The following NTM variants were observed in gnomAD, a reference collection of about 807,000 sequenced individuals.
NTM encodes the protein IgLON family member 2.
A neutral mutation model predicts 42.1 loss-of-function variants in NTM; 13 were observed. That is an observed-to-expected ratio of 0.31 (90% CI 0.20 to 0.49). The LOEUF (loss-of-function observed/expected upper bound fraction) is 0.49. NTM is among the 20% of genes least tolerant of loss of function. The pLI is 0.99. For synonymous variants in NTM, 187 were observed against 179.2 expected (o/e 1.04, Z -0.35); for missense variants, 373 against 452.8 (o/e 0.82, Z 1.60).
At position 131,449,873 on chromosome 11, in the gene NTM, T is replaced by C. The variant is rs151153517; in HGVS notation, c.82+78985T>C. ...CCCACTCTGCTTGCCAGATGAAAACTGGGTGAGTCAAGAAAAGGCAGCTTC... is the reference window on the plus strand; with the variant it reads ...CCCACTCTGCTTGCCAGATGAAAACCGGGTGAGTCAAGAAAAGGCAGCTTC... On this transcript the variant is annotated intron_variant, in intron 1 of 8. Coordinates refer to ENST00000683400, the MANE Select transcript of NTM (RefSeq NM_001352005.2). Among the ~76,000 whole-genome samples the C allele has an allele frequency of 1.5e-3, 224 of 152,256 alleles. 1 individual carries two copies. Among genetic ancestry groups the C allele is most frequent in the African/African-American group, 4.8e-3 (200 of 41,554 alleles).
chr11:132,160,904 C>T (rs1319413527), intron 3 of NTM, among the ~76,000 whole-genome samples: 1 of 152,144 alleles, frequency 6.6e-6, no homozygotes, highest in African/African-American at 2.4e-5. Context: ...AGGAGAGACC[C>T]GAGAGGGGAG....
chr11:131,881,505 CA>C lies in NTM; in HGVS notation c.83-30058del. Among the ~76,000 whole-genome samples the C allele has an allele frequency of 1.3e-5, 2 of 151,016 alleles. 1 individual carries two copies. Among genetic ancestry groups the C allele is most frequent in the South Asian group, 4.2e-4 (2 of 4,778 alleles). Reference sequence around the variant, plus strand: ...ACACACACACACACACACACACACACACACCCCCCAAAGCTTTGACGCAGAG... The same window carrying C: ...ACACACACACACACACACACACACACCACCCCCCAAAGCTTTGACGCAGAG... On this transcript the variant is annotated intron_variant, in intron 1 of 8. Transcript: ENST00000683400.
intron 1 of NTM, among the ~76,000 whole-genome samples, chr11:131,655,821 T>C (rs1304381811): frequency 2.6e-5 from 4 of 152,218 alleles, no homozygotes; most frequent in African/African-American, 9.6e-5. Flanking sequence ...AAAGTGCTGC[T>C]CAGAGAAATT....
At chr11:132,082,781 G>A (rs2059249021) in intron 2 of NTM, among the ~76,000 whole-genome samples, 1 of 152,190 alleles carries the variant, frequency 6.6e-6, no homozygotes, top group Admixed American at 6.5e-5. Context: ...TGGTAAAATG[G>A]GGCCATTGTT....
chr11:132,053,123 C>A (rs2079094823), intron 2 of NTM, among the ~76,000 whole-genome samples: 1 of 152,164 alleles, frequency 6.6e-6, no homozygotes, highest in African/African-American at 2.4e-5. Flanking sequence ...CAGCCCTGGG[C>A]ATGCATGATT....
intron 4 of NTM, among the ~76,000 whole-genome samples, chr11:132,226,153 A>C (rs904280833): frequency 1.3e-5 from 2 of 152,200 alleles, no homozygotes; most frequent in African/African-American, 4.8e-5. Context: ...GCTATTGTGA[A>C]CAGTTCCGTA....
At chr11:131,888,434 C>G (rs75038630) in intron 1 of NTM, among the ~76,000 whole-genome samples, 1 of 152,166 alleles carries the variant, frequency 6.6e-6, no homozygotes, top group Non-Finnish European at 1.5e-5. Flanking sequence ...TCTGCCAGCC[C>G]GGATCTCCTG....
intron 2 of NTM, among the ~76,000 whole-genome samples, chr11:131,976,306 G>C (rs1331353601): frequency 6.6e-6 from 1 of 152,116 alleles, no homozygotes; most frequent in African/African-American, 2.4e-5. Context: ...CAGGAGATGG[G>C]TTGTTCTGAT....
At chr11:131,712,172 T>TA (rs1338490954) in intron 1 of NTM, among the ~76,000 whole-genome samples, 1 of 134,378 alleles carries the variant, frequency 7.4e-6, no homozygotes. Flanking sequence ...AATTAAAAAA[T>TA]TAAAAAAAAA....
At chr11:131,408,294 C>G (rs1946029632) in intron 1 of NTM, among the ~76,000 whole-genome samples, 1 of 152,182 alleles carries the variant, frequency 6.6e-6, no homozygotes, top group East Asian at 1.9e-4. Context: ...CCCTATCCTG[C>G]CTGTAAGAAG....
At chr11:131,500,541 TTATA>T (rs200145436) in intron 1 of NTM, among the ~76,000 whole-genome samples, 11 of 65,150 alleles carry the variant, frequency 1.7e-4, no homozygotes, top group Non-Finnish European at 2.8e-4. Flanking sequence ...TAGTTATTTA[TTATA>T]TATATATATA....
intron 1 of NTM, chr11:131,535,764 C>A (rs1301621419): frequency 6.6e-6 from 1 of 152,196 alleles, no homozygotes; most frequent in African/African-American, 2.4e-5. Flanking sequence ...AAAGAAAGGG[C>A]CTGGTCGAAT....
chr11:131,888,707 G>T lies in NTM; in HGVS notation c.83-22857G>T, dbSNP rs571914669. Among the ~76,000 whole-genome samples, 5 of 152,220 alleles carry T rather than the reference G, an allele frequency of 3.3e-5. No homozygotes were observed. In the East Asian group the frequency reaches 9.7e-4, roughly 29 times the overall value. On this transcript the variant is annotated intron_variant, in intron 1 of 8. Transcript: ENST00000683400. ...CTCCTATTTTCATATTTCCTGTGGC[G>T]TCTTATAGAAATAGCAGAACAATTG...
At chr11:131,625,156 T>TA (rs1227215432) in intron 1 of NTM, among the ~76,000 whole-genome samples, 2 of 152,154 alleles carry the variant, frequency 1.3e-5, no homozygotes, top group East Asian at 1.9e-4. Context: ...CCACATCATT[T>TA]AAAAAAATAC....
chr11:131,889,858 T>C (rs897974029), intron 1 of NTM, among the ~76,000 whole-genome samples: 2 of 152,180 alleles, frequency 1.3e-5, no homozygotes, highest in Non-Finnish European at 2.9e-5. Context: ...TTTTGCATGA[T>C]AAATTGTTTC....
intron 4 of NTM, among the ~76,000 whole-genome samples, chr11:132,290,836 C>G (rs77572314): frequency 5.9e-5 from 9 of 152,126 alleles, no homozygotes; most frequent in Non-Finnish European, 1.0e-4. Flanking sequence ...GATTCTTATA[C>G]GAGCTGAACT....
chr11:131,479,408 G>A (rs1475487292), intron 1 of NTM, among the ~76,000 whole-genome samples: 1 of 152,182 alleles, frequency 6.6e-6, no homozygotes, highest in Non-Finnish European at 1.5e-5. Flanking sequence ...GAGCAGCTGG[G>A]ATTCATCACA....
At chr11:131,797,044 G>A in intron 1 of NTM, among the ~76,000 whole-genome samples, 1 of 152,180 alleles carries the variant, frequency 6.6e-6, no homozygotes, top group East Asian at 1.9e-4. Flanking sequence ...TTAATACTTA[G>A]AAGGCTCTAA....
At chr11:131,728,852 G>A (rs936365334) in intron 1 of NTM, among the ~76,000 whole-genome samples, 4 of 151,998 alleles carry the variant, frequency 2.6e-5, no homozygotes, top group Admixed American at 2.0e-4. Flanking sequence ...AGCTACTTAG[G>A]GACTTCCAAC....
Sources: allele counts gnomAD v4.1 joint callset (sites outside exome capture counted in the v4.1 genomes callset), GRCh38; gene constraint gnomAD v4.1.1; transcripts MANE v1.5; gene names NCBI Gene and HGNC (gene_info 2026-07-23, HGNC 2026-07-21).